Variants in PGR observed in about 807,000 individuals in gnomAD.
PGR encodes progesterone receptor.
Under a neutral mutation model 76.1 loss-of-function variants are expected in PGR, and 25 were observed. That is an observed-to-expected ratio of 0.33 (90% CI 0.24 to 0.46). The LOEUF (loss-of-function observed/expected upper bound fraction) is 0.46, where lower values mean the gene tolerates loss of function less well. Among genes scored for constraint, PGR ranks in the 20% least tolerant of loss-of-function variants. The pLI is 1.00. For synonymous variants in PGR, 579 were observed against 535.0 expected (o/e 1.08, Z -1.14); for missense variants, 1,172 against 1,225.3 (o/e 0.96, Z 0.65).
rs780611642 is a variant in PGR, at chr11:101,129,110, A to C, written c.-40T>G. The C allele has an allele frequency of 7.5e-6, 6 of 803,090 alleles. No individual in the cohort carries two copies. The African/African-American group carries it at 1.3e-4, about 17-fold the overall frequency. 49.7% of individuals were successfully genotyped at this position (803,090 alleles called of 1,614,324 possible). A position where few individuals can be genotyped will look rare whatever the true frequency, so the allele number is the denominator to read the frequency against. On this transcript the variant is annotated 5_prime_UTR_variant, in exon 1 of 8. Coordinates refer to ENST00000325455, the MANE Select transcript of PGR (RefSeq NM_000926.4). ...CCTTTTCTCCTCCCCCGTCTCCAGG[A>C]GGAGGGAAAAGGGAAGGAGGAGGGG...
rs367721107 is a variant in PGR, at chr11:101,035,222, T to C, written c.*3894A>G. 18 of 221,360 alleles carry C rather than the reference T, an allele frequency of 8.1e-5. No homozygotes were observed. The East Asian group carries it at 9.3e-4, about 11-fold the overall frequency. The allele number at this position is 221,360 out of a possible 1,614,324, so 13.7% of individuals were successfully genotyped here. Reference sequence around the variant, plus strand: ...TGAGCTATTGAATACAAAAATAGAGTATCTTTAAATTTGAAAAAAAATGTA... The same window carrying C: ...TGAGCTATTGAATACAAAAATAGAGCATCTTTAAATTTGAAAAAAAATGTA... On this transcript the variant is annotated 3_prime_UTR_variant, in exon 8 of 8. Transcript: ENST00000325455.
chr11:101,060,644 T>C (rs779957695), intron 4 of PGR, among the ~76,000 whole-genome samples: 1 of 152,188 alleles, frequency 6.6e-6, no homozygotes, highest in Admixed American at 6.5e-5. Flanking sequence ...ATTCATTCAA[T>C]AGTGCTATTC....
chr11:101,097,535 G>A (rs533734217), intron 2 of PGR, among the ~76,000 whole-genome samples: 1 of 152,216 alleles, frequency 6.6e-6, no homozygotes, highest in Non-Finnish European at 1.5e-5. Context: ...ATATTTTTTA[G>A]ATAGGTGTAT....
intron 2 of PGR, among the ~76,000 whole-genome samples, chr11:101,107,551 AC>A (rs1862204222): frequency 6.6e-6 from 1 of 152,186 alleles, no homozygotes; most frequent in South Asian, 2.1e-4. Context: ...ATTTGACCTC[AC>A]ATACTATTGA....
At chr11:101,098,475 G>A (rs1861903657) in intron 2 of PGR, among the ~76,000 whole-genome samples, 1 of 152,186 alleles carries the variant, frequency 6.6e-6, no homozygotes, top group African/African-American at 2.4e-5. Context: ...TCACGGGCTT[G>A]AAGCAACATG....
At chr11:101,072,124 A>T (rs1591389534) in intron 3 of PGR, among the ~76,000 whole-genome samples, 1 of 152,344 alleles carries the variant, frequency 6.6e-6, no homozygotes, top group African/African-American at 2.4e-5. Flanking sequence ...CTAACAGCAG[A>T]TCTCTCTGCT....
chr11:101,045,847 TG>T (rs1859857129), intron 6 of PGR, among the ~76,000 whole-genome samples: 1 of 152,230 alleles, frequency 6.6e-6, no homozygotes, highest in South Asian at 2.1e-4. Flanking sequence ...TCTTTTCCTT[TG>T]GGTAGATATC....
chr11:101,039,051 A>AT lies in PGR; in HGVS notation c.*64dup, dbSNP rs1235752772. 6 of 1,311,824 alleles carry AT rather than the reference A, an allele frequency of 4.6e-6. No individual in the cohort carries two copies. The Admixed American group carries it at 6.8e-5, about 15-fold the overall frequency. The allele number at this position is 1,311,824 out of a possible 1,614,324, so 81.3% of individuals were successfully genotyped here. Reference sequence around the variant, plus strand: ...GAACATTATAAAAACTCAAGACCTCATAATCCTGACCAAAACAAAAAGACA... The same window carrying AT: ...GAACATTATAAAAACTCAAGACCTCATTAATCCTGACCAAAACAAAAAGACA... On this transcript the variant is annotated 3_prime_UTR_variant, in exon 8 of 8. Transcript: ENST00000325455.
Position 101,031,767 on chromosome 11 carries a change from GC to G in PGR, c.*7348del, listed in dbSNP as rs1859361391. 2 of 227,762 alleles carry G rather than the reference GC, an allele frequency of 8.8e-6. No individual in the cohort carries two copies. The highest frequency in any genetic ancestry group is 1.7e-5 in the Non-Finnish European group (2 of 114,740). The allele number at this position is 227,762 out of a possible 1,614,324, so 14.1% of individuals were successfully genotyped here. On this transcript the variant is annotated 3_prime_UTR_variant, in exon 8 of 8. Coordinates refer to ENST00000325455, the MANE Select transcript of PGR (RefSeq NM_000926.4). ...TTCCATAGAAGGAATCCCAGATAAG[GC>G]TTTTTAAAAGCCGAGCCCAGCCATG...
chr11:101,108,911 C>T (rs1862260756), intron 2 of PGR, among the ~76,000 whole-genome samples: 1 of 152,222 alleles, frequency 6.6e-6, no homozygotes, highest in Non-Finnish European at 1.5e-5. Flanking sequence ...ATTTTTCCAA[C>T]AGCACATGTT....
At chr11:101,051,359 A>ATAAC in intron 5 of PGR, 65 bp downstream of exon 5, 1 of 1,067,440 alleles carries the variant, frequency 9.4e-7, no homozygotes, top group South Asian at 1.3e-5. Context: ...CTATTGAAAT[A>ATAAC]TAACTTTCAA....
intron 2 of PGR, among the ~76,000 whole-genome samples, chr11:101,108,085 C>T (rs1011673983): frequency 5.3e-5 from 8 of 151,580 alleles, no homozygotes; most frequent in African/African-American, 1.9e-4. Flanking sequence ...GAAACCCTGT[C>T]TCTACTAAAA....
At chr11:101,092,093 A>G (rs1176919030) in intron 2 of PGR, among the ~76,000 whole-genome samples, 1 of 152,218 alleles carries the variant, frequency 6.6e-6, no homozygotes, top group Non-Finnish European at 1.5e-5. Context: ...TAGCTGAAGA[A>G]TCAATCCTAG....
chr11:101,042,206 A>C, intron 6 of PGR, 104 bp from the exon 7 acceptor site: 1 of 1,196,862 alleles, frequency 8.4e-7, no homozygotes, highest in Non-Finnish European at 1.2e-6. Context: ...CTGATACATG[A>C]CTCTAGAAAA....
intron 2 of PGR, among the ~76,000 whole-genome samples, chr11:101,101,512 T>C (rs1861997239): frequency 6.6e-6 from 1 of 152,154 alleles, no homozygotes; most frequent in Admixed American, 6.6e-5. Flanking sequence ...ATAATAGAAA[T>C]AGAGAATCAT....
rs471767 is a variant in PGR at position 101,034,566 on chromosome 11, G to A, written c.*4550C>T. On this transcript the variant is annotated 3_prime_UTR_variant, in exon 8 of 8. Transcript: ENST00000325455. Reference sequence around the variant, plus strand: ...GGTGGACAAATTATTGAAGAAAACTGTTCTTTCCTGCTTCTTTTCAGCTTT... The same window carrying A: ...GGTGGACAAATTATTGAAGAAAACTATTCTTTCCTGCTTCTTTTCAGCTTT... 0.72 allele frequency: 125,886 copies of A among 174,920 alleles called. 45,702 individuals are homozygous for A. Among genetic ancestry groups the A allele is most frequent in the East Asian group, 0.95 (9,418 of 9,906 alleles). 10.8% of individuals were successfully genotyped at this position (174,920 alleles called of 1,614,324 possible). A position where few individuals can be genotyped will look rare whatever the true frequency, so the allele number is the denominator to read the frequency against.
Position 101,033,659 on chromosome 11 carries a change from G to C in PGR, c.*5457C>G. On this transcript the variant is annotated 3_prime_UTR_variant, in exon 8 of 8. Coordinates refer to ENST00000325455, the MANE Select transcript of PGR (RefSeq NM_000926.4). The stretch of plus-strand genomic sequence containing the variant: ...TATTTCTTAATAGAAGTACAGTTTG[G>C]TGGATAGATACTTCAAGGTATAGAC... 1 of 201,460 alleles carries C rather than the reference G, an allele frequency of 5.0e-6. No individual in the cohort carries two copies. The highest frequency in any genetic ancestry group is 1.0e-5 in the Non-Finnish European group (1 of 97,868). 12.5% of individuals were successfully genotyped at this position (201,460 alleles called of 1,614,324 possible). A position where few individuals can be genotyped will look rare whatever the true frequency, so the allele number is the denominator to read the frequency against.
intron 3 of PGR, among the ~76,000 whole-genome samples, chr11:101,087,648 C>A (rs1861538512): frequency 6.6e-6 from 1 of 151,656 alleles, no homozygotes; most frequent in African/African-American, 2.4e-5. Flanking sequence ...AACAGACAAC[C>A]AACAGAATAG....
At chr11:101,077,106 C>A (rs916268456) in intron 3 of PGR, among the ~76,000 whole-genome samples, 1 of 151,452 alleles carries the variant, frequency 6.6e-6, no homozygotes, top group African/African-American at 2.4e-5. Flanking sequence ...GTTTGTATTC[C>A]CATCCTGAAC....
Sources: allele counts gnomAD v4.1 joint callset (sites outside exome capture counted in the v4.1 genomes callset), GRCh38; gene constraint gnomAD v4.1.1; transcripts MANE v1.5; gene names NCBI Gene and HGNC (gene_info 2026-07-23, HGNC 2026-07-21).